Variants in PPP2R3C observed in about 807,000 individuals in gnomAD.
PPP2R3C encodes the protein protein phosphatase 2 regulatory subunit B''gamma.
In PPP2R3C, 47 loss-of-function variants were observed where a neutral mutation model predicts 63.7. That is an observed-to-expected ratio of 0.74 (90% CI 0.58 to 0.94). The LOEUF (loss-of-function observed/expected upper bound fraction) is 0.94. PPP2R3C is among the 40% of genes least tolerant of loss of function. The pLI is 0.00. For missense variants in PPP2R3C, 421 were observed against 518.4 expected (o/e 0.81, Z 1.82); for synonymous variants, 180 against 177.4 (o/e 1.01, Z -0.12).
rs2045659408 is a variant in PPP2R3C, at chr14:35,087,838, C to CA, written c.1173+112dup. 7 of 813,164 alleles carry CA rather than the reference C, an allele frequency of 8.6e-6. No individual in the cohort carries two copies. In the South Asian group the frequency reaches 1.1e-4, roughly 13 times the overall value. 50.4% of individuals were successfully genotyped at this position (813,164 alleles called of 1,614,324 possible). ...TTAAATATCAGTTCAGAACAAAAAG[C>CA]AAACACTTGATTCAAATAGTACTTC... On this transcript the variant is annotated intron_variant, in intron 12 of 12. Transcript: ENST00000261475.
At chr14:35,099,412 A>T in intron 6 of PPP2R3C, 28 bp from the exon 7 acceptor site, 2 of 1,583,070 alleles carry the variant, frequency 1.3e-6, no homozygotes, top group Non-Finnish European at 1.7e-6. Flanking sequence ...TAAAGTGTTA[A>T]ATGTCCAGTC....
At chr14:35,095,527 C>T (rs1156355391) in intron 9 of PPP2R3C, among the ~76,000 whole-genome samples, 1 of 152,030 alleles carries the variant, frequency 6.6e-6, no homozygotes, top group Non-Finnish European at 1.5e-5. Context: ...AATGCTAGCA[C>T]TTGAAAGTAG....
intron 2 of PPP2R3C, among the ~76,000 whole-genome samples, chr14:35,114,854 G>A (rs576387302): frequency 6.6e-6 from 1 of 152,208 alleles, no homozygotes; most frequent in African/African-American, 2.4e-5. Flanking sequence ...CTAGCTGGGC[G>A]TGGTGGCGCA....
intron 1 of PPP2R3C, among the ~76,000 whole-genome samples, chr14:35,118,899 A>C (rs1288272449): frequency 6.6e-6 from 1 of 151,724 alleles, no homozygotes; most frequent in Non-Finnish European, 1.5e-5. Context: ...TGATCCACCC[A>C]CTTCAGCCTC....
upstream of PPP2R3C, chr14:35,122,057 G>A (rs2046923670): frequency 2.2e-6 from 3 of 1,355,630 alleles, no homozygotes; most frequent in East Asian, 2.3e-5. Context: ...GTAAAGGTTA[G>A]GAAGGCCGTC....
chr14:35,121,314 T>A (rs1595140310), intron 1 of PPP2R3C, among the ~76,000 whole-genome samples: 1 of 151,860 alleles, frequency 6.6e-6, no homozygotes, highest in African/African-American at 2.4e-5. Context: ...GAGGCAGAGG[T>A]TGCAGTGAGC....
intron 4 of PPP2R3C, among the ~76,000 whole-genome samples, chr14:35,108,951 G>GT (rs947464988): frequency 7.9e-5 from 12 of 151,536 alleles, no homozygotes; most frequent in Admixed American, 2.6e-4. Flanking sequence ...TTAATTAAAA[G>GT]TTTTTTTTAT....
At chr14:35,114,576 C>T (rs2046653820) in intron 2 of PPP2R3C, among the ~76,000 whole-genome samples, 1 of 151,966 alleles carries the variant, frequency 6.6e-6, no homozygotes, top group Non-Finnish European at 1.5e-5. Flanking sequence ...TTCCAGTTAA[C>T]TTGTATAATA....
intron 2 of PPP2R3C, among the ~76,000 whole-genome samples, chr14:35,111,379 T>C (rs1005534381): frequency 1.3e-5 from 2 of 152,048 alleles, no homozygotes; most frequent in Admixed American, 1.3e-4. Flanking sequence ...ACCAACTCCA[T>C]CTTGTTTTTA....
chr14:35,115,148 CTT>C (rs574544715), intron 2 of PPP2R3C, among the ~76,000 whole-genome samples: 77 of 141,376 alleles, frequency 5.4e-4, no homozygotes, highest in African/African-American at 1.9e-3. Context: ...TTGTAAACGG[CTT>C]TTTTTTTTTT....
chr14:35,109,880 C>T lies in PPP2R3C; in HGVS notation c.343G>A (p.Glu115Lys). ...AAGTTTTCGTAATTGATCATCGCTT[C>T]CTCTCCAATCATAGGTGGTGTCTGG... ...KHQTPPMIGE[E>K]AMINYENFLK... is the part of the protein sequence containing the mutation. The change falls in exon 4 of 13, where the codon GAA (glutamate) becomes AAA (lysine). Residue 115 changes from glutamate (E) to lysine (K), a missense_variant. Around this residue, in one of 3 missense-constraint regions of PPP2R3C, gnomAD observed 143 missense variants for 151.2 expected, o/e 0.95. Transcript: ENST00000261475. The T allele has an allele frequency of 6.2e-7, 1 of 1,612,314 alleles. No individual in the cohort carries two copies. The highest frequency in any genetic ancestry group is 8.5e-7 in the Non-Finnish European group (1 of 1,178,622).
chr14:35,095,012 AACT>A (rs1320678486), intron 10 of PPP2R3C, 33 bp downstream of exon 10: 2 of 1,573,756 alleles, frequency 1.3e-6, no homozygotes, highest in African/African-American at 2.7e-5. Context: ...TGGGAGCCTA[AACT>A]TTTAAAACTT....
At chr14:35,113,344 T>G (rs1595124644) in intron 2 of PPP2R3C, among the ~76,000 whole-genome samples, 1 of 151,950 alleles carries the variant, frequency 6.6e-6, no homozygotes, top group South Asian at 2.1e-4. Context: ...TACAAATCCA[T>G]AGCTGCAGAC....
chr14:35,108,591 T>C lies in PPP2R3C; in HGVS notation c.405-355A>G, dbSNP rs552101651. Among the ~76,000 whole-genome samples, 43 of 152,150 alleles carry C rather than the reference T, an allele frequency of 2.8e-4. No individual in the cohort carries two copies. The South Asian group carries it at 8.9e-3, about 32-fold the overall frequency. On this transcript the variant is annotated intron_variant, in intron 4 of 12. Coordinates refer to ENST00000261475, the MANE Select transcript of PPP2R3C (RefSeq NM_017917.4). Reference sequence around the variant, plus strand: ...GTATTTATATTGTATTATATTGTATTTATATTGGCCCAGCCAATATTTGAG... The same window carrying C: ...GTATTTATATTGTATTATATTGTATCTATATTGGCCCAGCCAATATTTGAG...
intron 1 of PPP2R3C, among the ~76,000 whole-genome samples, chr14:35,118,052 C>T (rs932029665): frequency 1.3e-5 from 2 of 152,074 alleles, no homozygotes; most frequent in African/African-American, 4.8e-5. Context: ...TACTATGGCT[C>T]AGTGCTGTTG....
chr14:35,092,921 C>T (rs921784561), intron 10 of PPP2R3C, among the ~76,000 whole-genome samples: 4 of 152,140 alleles, frequency 2.6e-5, no homozygotes, highest in African/African-American at 9.7e-5. Flanking sequence ...GCCAGAAAGA[C>T]ATGAAGAGAA....
chr14:35,106,863 C>T (rs1183807558), intron 6 of PPP2R3C, among the ~76,000 whole-genome samples: 1 of 151,590 alleles, frequency 6.6e-6, no homozygotes, highest in Non-Finnish European at 1.5e-5. Context: ...GATAGGGTTT[C>T]TCCATGTTGG....
intron 1 of PPP2R3C, 107 bp from the exon 2 acceptor site, chr14:35,116,844 C>A: frequency 1.1e-6 from 1 of 904,416 alleles, no homozygotes; most frequent in East Asian, 3.3e-5. Context: ...GTTGCAGTGC[C>A]AAAAAGGCCT....
Position 35,096,735 on chromosome 14 carries a change from A to G in PPP2R3C, c.736T>C (p.Cys246Arg), listed in dbSNP as rs2046010190. Reference sequence around the variant, plus strand: ...TCCAATAAATCATCTAGGAAGCTGCATGCTAAAATATCTTGAATTTTTATC... The same window carrying G: ...TCCAATAAATCATCTAGGAAGCTGCGTGCTAAAATATCTTGAATTTTTATC... ...GKIKIQDILA[C>R]SFLDDLLELR... Residue 246 changes from cysteine (C) to arginine (R), a missense_variant, in exon 8 of 13, where the codon TGC (cysteine) becomes CGC (arginine). Coordinates refer to ENST00000261475, the MANE Select transcript of PPP2R3C (RefSeq NM_017917.4). 1.3e-6 allele frequency: 2 copies of G among 1,592,108 alleles called. No individual in the cohort carries two copies. Among genetic ancestry groups the G allele is most frequent in the Non-Finnish European group, 1.7e-6 (2 of 1,168,686 alleles).
Sources: gnomAD v4.1 joint callset for allele counts (sites outside exome capture counted in the v4.1 genomes callset) on GRCh38, gnomAD v4.1.1 for gene constraint, gnomAD v4.1.1 regional missense constraint, MANE v1.5 for transcripts, NCBI Gene and HGNC (gene_info 2026-07-23, HGNC 2026-07-21) for gene names.